The following TTC6 variants were observed in gnomAD, a reference collection of about 807,000 sequenced individuals.
TTC6 encodes the protein tetratricopeptide repeat protein 6.
A neutral mutation model predicts 210.4 loss-of-function variants in TTC6; 172 were observed. That is an observed-to-expected ratio of 0.82 (90% CI 0.72 to 0.93). The LOEUF is 0.93. Among genes scored for constraint, TTC6 ranks in the 40% least tolerant of loss-of-function variants. TTC6 has a pLI of 0.00. For synonymous variants in TTC6, 804 were observed against 819.6 expected, an observed-to-expected ratio of 0.98 and a Z score of 0.32; for missense variants, 2,414 against 2,318.1, an observed-to-expected ratio of 1.04 and a Z score of -0.85.
At chr14:37,782,565 A>T (rs12890740) in intron 14 of TTC6, among the ~76,000 whole-genome samples, 1 of 150,078 alleles carries the variant, frequency 6.7e-6, no homozygotes, top group Non-Finnish European at 1.5e-5. Context: ...CAATCATGTC[A>T]TCTGCAAACA....
chr14:37,737,800 C>A (rs2095905923), intron 9 of TTC6, 66 bp downstream of exon 11: 5 of 799,258 alleles, frequency 6.3e-6, no homozygotes, highest in Middle Eastern at 2.4e-4. Context: ...TAATAATCAC[C>A]TTATTTTTTT....
intron 2 of TTC6, among the ~76,000 whole-genome samples, chr14:37,608,081 C>T (rs2095628341): frequency 6.6e-6 from 1 of 152,122 alleles, no homozygotes; most frequent in Admixed American, 6.6e-5. Flanking sequence ...CCATTCACAC[C>T]TTCATTAGCC....
rs541177612 is a variant in TTC6 at position 37,668,133 on chromosome 14, T to TA, written c.940-12005dup. On this transcript the variant is annotated intron_variant, in intron 1 of 30. Coordinates refer to ENST00000553443, the Ensembl canonical transcript of TTC6. ...CTGGGCGACAGTGTGAGACTTCATC[T>TA]AAAAAAAAAAAAATTTGGCTGGATA... 6.4e-4 allele frequency among the ~76,000 whole-genome samples: 91 copies of TA among 142,782 alleles called. 1 individual carries two copies. In the South Asian group the frequency reaches 7.2e-3, roughly 11 times the overall value. The allele number at this position is 142,782 out of a possible 152,430, so 93.7% of individuals were successfully genotyped here. A position where few individuals can be genotyped will look rare whatever the true frequency, so the allele number is the denominator to read the frequency against.
At chr14:37,733,940 G>A (rs922393318) in intron 7 of TTC6, among the ~76,000 whole-genome samples, 23 of 151,924 alleles carry the variant, frequency 1.5e-4, no homozygotes, top group Non-Finnish European at 3.2e-4. Flanking sequence ...TGTTAAACTT[G>A]TTTTTTATAT....
intron 10 of TTC6, among the ~76,000 whole-genome samples, chr14:37,746,271 G>A (rs1311022832): frequency 2.6e-5 from 4 of 152,106 alleles, no homozygotes; most frequent in Non-Finnish European, 4.4e-5. Flanking sequence ...GGCTTTTCAA[G>A]GGTATTGTGC....
At chr14:37,787,684 C>T (rs755479920) in intron 15 of TTC6, 47 bp downstream of exon 17, 3 of 1,365,554 alleles carry the variant, frequency 2.2e-6, no homozygotes, top group Non-Finnish European at 1.9e-6. Flanking sequence ...ATCTGAGATT[C>T]AACAGCTCAG....
At chr14:37,786,661 G>T (rs2096068440) in intron 14 of TTC6, among the ~76,000 whole-genome samples, 1 of 152,222 alleles carries the variant, frequency 6.6e-6, no homozygotes, top group Non-Finnish European at 1.5e-5. Context: ...AAGCCCCAGT[G>T]AGATGAACCC....
At chr14:37,628,597 G>A (rs1355958423) in intron 1 of TTC6, among the ~76,000 whole-genome samples, 1 of 152,088 alleles carries the variant, frequency 6.6e-6, no homozygotes, top group Non-Finnish European at 1.5e-5. Context: ...CTGTGCAGAA[G>A]CTTTTTAGTT....
intron 4 of TTC6, 103 bp from the exon 7 acceptor site, chr14:37,701,229 A>G (rs2095824656): frequency 2.7e-6 from 2 of 731,854 alleles, no homozygotes; most frequent in East Asian, 3.1e-5. Flanking sequence ...TCCTCCATTT[A>G]TGTATGTCTT....
intron 1 of TTC6, among the ~76,000 whole-genome samples, chr14:37,641,284 C>G (rs1308576719): frequency 6.6e-6 from 1 of 152,182 alleles, no homozygotes; most frequent in East Asian, 1.9e-4. Flanking sequence ...CAGCCTGAAG[C>G]TAGGCAGCTG....
intron 5 of TTC6, among the ~76,000 whole-genome samples, chr14:37,702,635 A>G (rs2095827731): frequency 6.6e-6 from 1 of 152,192 alleles, no homozygotes; most frequent in South Asian, 2.1e-4. Context: ...AAACTTTTTT[A>G]GTATTATAAT....
intron 1 of TTC6, among the ~76,000 whole-genome samples, chr14:37,668,996 A>T (rs1192255034): frequency 6.6e-6 from 1 of 152,154 alleles, no homozygotes; most frequent in Admixed American, 6.6e-5. Context: ...CACCTACATG[A>T]TAAGAGTCTG....
chr14:37,631,664 G>T (rs982512854), intron 1 of TTC6, among the ~76,000 whole-genome samples: 1 of 152,154 alleles, frequency 6.6e-6, no homozygotes, highest in African/African-American at 2.4e-5. Flanking sequence ...GGCCTGTCTT[G>T]CTAGGTTGGG....
At chr14:37,759,543 T>G (rs1397910618) in intron 14 of TTC6, among the ~76,000 whole-genome samples, 1 of 152,224 alleles carries the variant, frequency 6.6e-6, no homozygotes, top group Non-Finnish European at 1.5e-5. Context: ...ATTTGAATGT[T>G]GGCCTGTTTC....
exon 10 of TTC6, chr14:37,739,013 C>G: frequency 6.5e-7 from 1 of 1,535,542 alleles, no homozygotes; most frequent in Non-Finnish European, 8.7e-7. Context: ...CTCTTTGACT[C>G]TCATTGAAGC....
chr14:37,737,699 C>T lies in TTC6; in HGVS notation c.1948C>T (p.Gln650Ter). The change falls in exon 9 of 31, where the codon CAA becomes TAA. Residue 650 changes from glutamine to a stop codon, truncating the protein, a stop_gained. Coordinates refer to ENST00000553443, the Ensembl canonical transcript of TTC6. LOFTEE classifies it high-confidence loss of function. ...AAAATCTGCATCATTTGAAAGTATC[C>T]AAAAATGGTTTAGTGCACAACCTAC... 6.6e-7 allele frequency: 1 copy of T among 1,524,478 alleles called. No homozygotes were observed. 94.4% of individuals were successfully genotyped at this position (1,524,478 alleles called of 1,614,324 possible). A position where few individuals can be genotyped will look rare whatever the true frequency, so the allele number is the denominator to read the frequency against.
At chr14:37,734,325 C>A (rs575922177) in intron 7 of TTC6, among the ~76,000 whole-genome samples, 35 of 152,318 alleles carry the variant, frequency 2.3e-4, no homozygotes, top group African/African-American at 8.4e-4. Context: ...TCAGGCTCCA[C>A]ATCTCAGATA....
intron 3 of TTC6, among the ~76,000 whole-genome samples, chr14:37,687,198 G>T (rs1320819758): frequency 6.6e-6 from 1 of 152,104 alleles, no homozygotes; most frequent in Non-Finnish European, 1.5e-5. Context: ...CAAGTGTGAA[G>T]TATTGAACTC....
intron 6 of TTC6, among the ~76,000 whole-genome samples, chr14:37,716,943 C>CA (rs1465371196): frequency 1.3e-5 from 2 of 151,640 alleles, no homozygotes; most frequent in Admixed American, 6.6e-5. Flanking sequence ...AGGAAGATAA[C>CA]AAAAATCTCC....
Sources: allele counts gnomAD v4.1 joint callset (sites outside exome capture counted in the v4.1 genomes callset), GRCh38; gene constraint gnomAD v4.1.1; transcripts MANE v1.5; gene names NCBI Gene and HGNC (gene_info 2026-07-23, HGNC 2026-07-21).